PLCL1: variants seen among roughly 807,000 people sequenced by gnomAD.
PLCL1 encodes the protein phospholipase C like 1 (inactive), also known as inactive phospholipase C-like protein 1.
PLCL1 carries 41 observed loss-of-function variants against 84.4 expected under a neutral mutation model. The ratio of observed to expected loss-of-function variants is 0.49; its 90% CI spans 0.38 to 0.63. The LOEUF (loss-of-function observed/expected upper bound fraction) is 0.63. Among genes scored for constraint, PLCL1 ranks in the 30% least tolerant of loss-of-function variants. The probability of loss-of-function intolerance (pLI) is 0.00; values close to 1 mark genes in which losing one functional copy is unlikely to be tolerated. For synonymous variants in PLCL1, 490 were observed against 488.3 expected (o/e 1.00, Z -0.05); for missense variants, 1,206 against 1,367.8 (o/e 0.88, Z 1.87).
intron 1 of PLCL1, among the ~76,000 whole-genome samples, chr2:197,935,735 A>T (rs1337141101): frequency 6.6e-6 from 1 of 152,124 alleles, no homozygotes; most frequent in Admixed American, 6.5e-5. Flanking sequence ...CTATACAACA[A>T]ACCTGCATGT....
At chr2:197,953,419 C>T (rs1307365674) in intron 1 of PLCL1, among the ~76,000 whole-genome samples, 1 of 152,074 alleles carries the variant, frequency 6.6e-6, no homozygotes, top group Non-Finnish European at 1.5e-5. Flanking sequence ...TGGATCATGA[C>T]TTAACCTAGC....
At position 198,132,769 on chromosome 2, in the gene PLCL1, G is replaced by T. The variant is rs551195685; in HGVS notation, c.3106-14011G>T. ...GTAGGTTGCGAAAATTTTCTCCCAT[G>T]TTGTAGGTTGCCTGTTCACTCTGAT... On this transcript the variant is annotated intron_variant, in intron 5 of 5. Coordinates refer to ENST00000428675, the MANE Select transcript of PLCL1 (RefSeq NM_006226.4). Among the ~76,000 whole-genome samples the T allele has an allele frequency of 6.0e-3, 907 of 151,930 alleles. 1 individual carries two copies. Among genetic ancestry groups the T allele is most frequent in the Non-Finnish European group, 8.6e-3 (584 of 67,886 alleles).
At position 198,148,945 on chromosome 2, in the gene PLCL1, C is replaced by T. The variant is rs866500307; in HGVS notation, c.*1983C>T. 5.3e-5 allele frequency: 8 copies of T among 152,304 alleles called. No individual in the cohort carries two copies. Among genetic ancestry groups the T allele is most frequent in the South Asian group, 2.1e-4 (1 of 4,818 alleles). 9.4% of individuals were successfully genotyped at this position (152,304 alleles called of 1,614,324 possible). A position where few individuals can be genotyped will look rare whatever the true frequency, so the allele number is the denominator to read the frequency against. On this transcript the variant is annotated 3_prime_UTR_variant, in exon 6 of 6. Coordinates refer to ENST00000428675, the MANE Select transcript of PLCL1 (RefSeq NM_006226.4). ...TATTTGTCCCAGAGCTCTACTCACA[C>T]TTAGGACCCACCCAAAAATTCTCAA... is the stretch of plus-strand genomic sequence containing the variant.
At chr2:198,104,929 G>A (rs968745114) in intron 5 of PLCL1, among the ~76,000 whole-genome samples, 1 of 151,886 alleles carries the variant, frequency 6.6e-6, no homozygotes, top group South Asian at 2.1e-4. Flanking sequence ...TTAGACCTTT[G>A]TTGGATGCAT....
At chr2:197,966,247 A>AT (rs1689730691) in intron 1 of PLCL1, among the ~76,000 whole-genome samples, 1 of 151,832 alleles carries the variant, frequency 6.6e-6, no homozygotes, top group Non-Finnish European at 1.5e-5. Flanking sequence ...TGTGGAAGAG[A>AT]TGGTGCACAT....
intron 1 of PLCL1, among the ~76,000 whole-genome samples, chr2:197,838,943 G>T (rs1265777518): frequency 6.6e-6 from 1 of 152,184 alleles, no homozygotes; most frequent in African/African-American, 2.4e-5. Context: ...GAGTAAAATT[G>T]TGAAATTTTT....
rs181460524 is a variant in PLCL1, at chr2:198,003,278, A to G, written c.241-80480A>G. 2.4e-3 allele frequency among the ~76,000 whole-genome samples: 358 copies of G among 152,280 alleles called. 1 individual carries two copies. Among genetic ancestry groups the G allele is most frequent in the African/African-American group, 8.1e-3 (337 of 41,564 alleles). ...TAAAAAACAAGGGGCACTTCTTGCC[A>G]TTTTGTGCTAACTTAGTCTTTATTG... is the stretch of plus-strand genomic sequence containing the variant. On this transcript the variant is annotated intron_variant, in intron 1 of 5. Coordinates refer to ENST00000428675, the MANE Select transcript of PLCL1 (RefSeq NM_006226.4).
rs553743509 is a variant in PLCL1 at position 198,141,213 on chromosome 2, T to C, written c.3106-5567T>C. Among the ~76,000 whole-genome samples, 7 of 152,292 alleles carry C rather than the reference T, an allele frequency of 4.6e-5. No homozygotes were observed. The South Asian group carries it at 1.4e-3, about 32-fold the overall frequency. On this transcript the variant is annotated intron_variant, in intron 5 of 5. Transcript: ENST00000428675. ...AATAGCAAGTAGAATGCAGTTGAAA[T>C]ATTTGGTTGCTGAGGTGTTGCAAAA...
intron 1 of PLCL1, among the ~76,000 whole-genome samples, chr2:197,887,713 T>G (rs1223261467): frequency 6.6e-6 from 1 of 152,198 alleles, no homozygotes; most frequent in Non-Finnish European, 1.5e-5. Context: ...ACCCATTAAG[T>G]AATTTCTCAT....
chr2:197,999,349 T>C (rs1192485123), intron 1 of PLCL1, among the ~76,000 whole-genome samples: 1 of 152,220 alleles, frequency 6.6e-6, no homozygotes, highest in African/African-American at 2.4e-5. Context: ...AAAAGGACCC[T>C]ATAAATGTAG....
chr2:197,867,854 C>A (rs561005641), intron 1 of PLCL1, among the ~76,000 whole-genome samples: 7 of 152,234 alleles, frequency 4.6e-5, no homozygotes, highest in Admixed American at 3.9e-4. Context: ...GGTGATCTCA[C>A]AGAAATACTC....
intron 1 of PLCL1, among the ~76,000 whole-genome samples, chr2:197,870,333 A>C (rs1687627861): frequency 6.6e-6 from 1 of 152,150 alleles, no homozygotes; most frequent in Admixed American, 6.6e-5. Flanking sequence ...CCAAACCCTT[A>C]TCTAGTCACA....
chr2:197,893,231 A>G (rs1688065602), intron 1 of PLCL1, among the ~76,000 whole-genome samples: 1 of 152,188 alleles, frequency 6.6e-6, no homozygotes, highest in Non-Finnish European at 1.5e-5. Flanking sequence ...CACTACATAT[A>G]TACTGTCTCT....
intron 3 of PLCL1, among the ~76,000 whole-genome samples, chr2:198,099,074 TA>T (rs1693267728): frequency 6.6e-6 from 1 of 152,172 alleles, no homozygotes; most frequent in Admixed American, 6.5e-5. Context: ...TTTGTATTAC[TA>T]CAACAGGCAA....
chr2:197,925,632 T>C (rs1044401374), intron 1 of PLCL1, among the ~76,000 whole-genome samples: 2 of 152,190 alleles, frequency 1.3e-5, no homozygotes, highest in African/African-American at 4.8e-5. Flanking sequence ...GGAAATCATA[T>C]GTTGTAGTGG....
chr2:197,989,733 A>C (rs945638145), intron 1 of PLCL1, among the ~76,000 whole-genome samples: 7 of 152,252 alleles, frequency 4.6e-5, no homozygotes, highest in East Asian at 3.9e-4. Flanking sequence ...CAAAAAACAA[A>C]AAAAAAAGTG....
rs567343688 is a variant in PLCL1 at position 197,827,981 on chromosome 2, A to G, written c.240+22642A>G. Reference sequence around the variant, plus strand: ...AAATATGTTTTTTATAAGACATGAAATAAAATATCATTTTGCTAACTTTTT... The same window carrying G: ...AAATATGTTTTTTATAAGACATGAAGTAAAATATCATTTTGCTAACTTTTT... On this transcript the variant is annotated intron_variant, in intron 1 of 5. Transcript: ENST00000428675. Among the ~76,000 whole-genome samples, 13 of 152,298 alleles carry G rather than the reference A, an allele frequency of 8.5e-5. No individual in the cohort carries two copies. The South Asian group carries it at 2.5e-3, about 29-fold the overall frequency.
chr2:197,844,805 A>G (rs968109791), intron 1 of PLCL1, among the ~76,000 whole-genome samples: 1 of 152,066 alleles, frequency 6.6e-6, no homozygotes, highest in Non-Finnish European at 1.5e-5. Flanking sequence ...TGTTCTTATA[A>G]CTTCATATAT....
At chr2:198,024,798 T>A (rs1691225934) in intron 1 of PLCL1, among the ~76,000 whole-genome samples, 1 of 152,070 alleles carries the variant, frequency 6.6e-6, no homozygotes, top group African/African-American at 2.4e-5. Context: ...GTGGTACCTT[T>A]TTTTGCATTA....
Sources: allele counts gnomAD v4.1 joint callset (sites outside exome capture counted in the v4.1 genomes callset), GRCh38; gene constraint gnomAD v4.1.1; transcripts MANE v1.5; gene names NCBI Gene and HGNC (gene_info 2026-07-23, HGNC 2026-07-21).